ESRRG: variants seen among roughly 807,000 people sequenced by gnomAD.
ESRRG encodes estrogen related receptor gamma.
In ESRRG, 13 loss-of-function variants were observed where a neutral mutation model predicts 44.0. That is an observed-to-expected ratio of 0.30 (90% CI 0.19 to 0.47). The LOEUF (loss-of-function observed/expected upper bound fraction) is 0.47. Among genes scored for constraint, ESRRG ranks in the 20% least tolerant of loss-of-function variants. The pLI, the probability that ESRRG is intolerant of heterozygous loss-of-function variation, is 1.00. For synonymous variants in ESRRG, 215 were observed against 214.6 expected (o/e 1.00, Z -0.02); for missense variants, 395 against 580.6 (o/e 0.68, Z 3.29).
chr1:216,681,383 T>C (rs906524960), intron 1 of ESRRG, among the ~76,000 whole-genome samples: 2 of 152,138 alleles, frequency 1.3e-5, no homozygotes, highest in Non-Finnish European at 2.9e-5. Flanking sequence ...CATGTTGGTG[T>C]GCTGCACCCA....
Position 216,506,828 on chromosome 1 carries a change from G to T in ESRRG, c.*111C>A. The T allele has an allele frequency of 8.3e-7, 1 of 1,202,138 alleles. No homozygotes were observed. The highest frequency in any genetic ancestry group is 1.2e-6 in the Non-Finnish European group (1 of 848,824). 74.5% of individuals were successfully genotyped at this position (1,202,138 alleles called of 1,614,324 possible). ...GTCTTGCTGCTAAATTATCAGTGCA[G>T]TCTGTTGATTTTTGATGTTGTTAAC... On this transcript the variant is annotated 3_prime_UTR_variant, in exon 7 of 7. Coordinates refer to ENST00000408911, the MANE Select transcript of ESRRG (RefSeq NM_001438.4).
chr1:217,133,310 G>C (rs1465585446), intron 1 of ESRRG, among the ~76,000 whole-genome samples: 1 of 152,242 alleles, frequency 6.6e-6, no homozygotes, highest in Admixed American at 6.5e-5. Flanking sequence ...GAATGATTTA[G>C]ACTACAAACA....
chr1:217,053,769 C>G (rs940232914), intron 1 of ESRRG, among the ~76,000 whole-genome samples: 19 of 152,146 alleles, frequency 1.2e-4, no homozygotes, highest in African/African-American at 3.4e-4. Flanking sequence ...CTTTTGCCAG[C>G]CACCAAAGGG....
intron 1 of ESRRG, among the ~76,000 whole-genome samples, chr1:216,693,320 T>G (rs1354956897): frequency 6.6e-6 from 1 of 152,154 alleles, no homozygotes; most frequent in Non-Finnish European, 1.5e-5. Flanking sequence ...AAAATAGGGA[T>G]GGGGTCTTGC....
At chr1:216,596,447 G>A (rs991477882) in intron 3 of ESRRG, among the ~76,000 whole-genome samples, 4 of 152,140 alleles carry the variant, frequency 2.6e-5, no homozygotes, top group Non-Finnish European at 5.9e-5. Flanking sequence ...GGAGCCTCCC[G>A]TGGAATAAGG....
intron 2 of ESRRG, among the ~76,000 whole-genome samples, chr1:216,673,103 G>A (rs2075492714): frequency 1.3e-5 from 2 of 152,138 alleles, no homozygotes; most frequent in African/African-American, 4.8e-5. Context: ...TGGAGGGGAG[G>A]GAGAGACTAC....
intron 1 of ESRRG, among the ~76,000 whole-genome samples, chr1:216,946,998 G>C (rs1224028810): frequency 6.6e-6 from 1 of 152,036 alleles, no homozygotes; most frequent in Non-Finnish European, 1.5e-5. Context: ...CACCCAGCCT[G>C]ATTTCTTTGC....
intron 1 of ESRRG, among the ~76,000 whole-genome samples, chr1:216,978,678 C>G (rs1481183728): frequency 6.6e-6 from 1 of 152,138 alleles, no homozygotes; most frequent in African/African-American, 2.4e-5. Context: ...TCTTCCATGA[C>G]AGTCAGAGCA....
chr1:216,562,348 A>C (rs750101847), intron 5 of ESRRG, among the ~76,000 whole-genome samples: 7 of 152,134 alleles, frequency 4.6e-5, no homozygotes, highest in Non-Finnish European at 7.3e-5. Context: ...CTACTCCAGG[A>C]AGCCACTCTG....
chr1:216,559,043 T>C lies in ESRRG; in HGVS notation c.862+5176A>G, dbSNP rs565491781. ...CACCACCACATCCAGATAATTTTTA[T>C]ACTTTTAGTAGAGACGGGGTTTTGC... On this transcript the variant is annotated intron_variant, in intron 5 of 6. Transcript: ENST00000408911. 1.2e-3 allele frequency among the ~76,000 whole-genome samples: 114 copies of C among 97,614 alleles called. 1 individual carries two copies. The highest frequency in any genetic ancestry group is 3.2e-3 in the African/African-American group (103 of 32,614). 64.0% of individuals were successfully genotyped at this position (97,614 alleles called of 152,430 possible).
At chr1:216,519,043 T>C in intron 6 of ESRRG, 109 bp downstream of exon 6, 1 of 897,078 alleles carries the variant, frequency 1.1e-6, no homozygotes, top group Admixed American at 2.6e-5. Context: ...TTTTGCTGAC[T>C]CATACAAAAT....
intron 2 of ESRRG, among the ~76,000 whole-genome samples, chr1:216,664,232 G>C (rs2151283274): frequency 6.6e-6 from 1 of 152,040 alleles, no homozygotes; most frequent in Admixed American, 6.6e-5. Context: ...AAGAGGACAG[G>C]CTCTGGGTTC....
At chr1:216,616,884 T>C (rs972490182) in intron 3 of ESRRG, among the ~76,000 whole-genome samples, 1 of 152,146 alleles carries the variant, frequency 6.6e-6, no homozygotes, top group African/African-American at 2.4e-5. Flanking sequence ...TGAGAATAAA[T>C]GTCCCCCAAA....
At chr1:216,922,013 T>A (rs1429491182) in intron 2 of ESRRG, among the ~76,000 whole-genome samples, 1 of 152,174 alleles carries the variant, frequency 6.6e-6, no homozygotes, top group Non-Finnish European at 1.5e-5. Context: ...GTGCACTGCT[T>A]TGGGCCAGTC....
intron 1 of ESRRG, among the ~76,000 whole-genome samples, chr1:217,021,213 G>A (rs1390360615): frequency 6.6e-6 from 1 of 152,148 alleles, no homozygotes; most frequent in Non-Finnish European, 1.5e-5. Context: ...CCCATTGTTA[G>A]TGGGACTAGC....
upstream of ESRRG, chr1:216,723,475 T>G: frequency 1.6e-6 from 1 of 620,216 alleles, no homozygotes; most frequent in Non-Finnish European, 2.9e-6. Flanking sequence ...TGGAGCTTAT[T>G]AATATGAAGT....
At chr1:216,604,189 G>A (rs919840204) in intron 3 of ESRRG, among the ~76,000 whole-genome samples, 9 of 152,270 alleles carry the variant, frequency 5.9e-5, no homozygotes, top group African/African-American at 1.7e-4. Context: ...AGAATTACAG[G>A]AGCAAAAACT....
chr1:216,802,422 TTAAAA>T (rs1033656177), intron 2 of ESRRG, among the ~76,000 whole-genome samples: 29 of 152,124 alleles, frequency 1.9e-4, no homozygotes, highest in African/African-American at 7.0e-4. Flanking sequence ...AAAAGCTAGC[TTAAAA>T]TATCCAATAA....
chr1:216,820,487 A>T (rs1426441839), intron 2 of ESRRG, among the ~76,000 whole-genome samples: 1 of 152,136 alleles, frequency 6.6e-6, no homozygotes, highest in Non-Finnish European at 1.5e-5. Context: ...TGACACAGTG[A>T]TCTTATCTAC....
Sources: gnomAD v4.1 joint callset for allele counts (sites outside exome capture counted in the v4.1 genomes callset) on GRCh38, gnomAD v4.1.1 for gene constraint, MANE v1.5 for transcripts, NCBI Gene and HGNC (gene_info 2026-07-23, HGNC 2026-07-21) for gene names.